STK10: variants seen among roughly 807,000 people sequenced by gnomAD.
The protein encoded by STK10 is serine/threonine kinase 10, also known as serine/threonine-protein kinase 10.
A neutral mutation model predicts 113.8 loss-of-function variants in STK10; 78 were observed. The ratio of observed to expected loss-of-function variants is 0.69; its 90% CI spans 0.57 to 0.83. The LOEUF (loss-of-function observed/expected upper bound fraction) is 0.83. Among genes scored for constraint, STK10 ranks in the 40% least tolerant of loss-of-function variants. STK10 has a pLI of 0.00. For missense variants in STK10, 1,109 were observed against 1,280.1 expected (o/e 0.87, Z 2.04); for synonymous variants, 465 against 494.7 (o/e 0.94, Z 0.80).
At chr5:172,071,192 G>A (rs1467094036) in intron 12 of STK10, among the ~76,000 whole-genome samples, 1 of 109,362 alleles carries the variant, frequency 9.1e-6, no homozygotes, top group African/African-American at 3.6e-5. Context: ...CTGGGCGACA[G>A]AGTGAGACGC....
chr5:172,183,643 G>A (rs973385856), intron 1 of STK10, among the ~76,000 whole-genome samples: 1 of 152,098 alleles, frequency 6.6e-6, no homozygotes, highest in Non-Finnish European at 1.5e-5. Flanking sequence ...TTTTAGTAGA[G>A]ATGGGGTTTT....
intron 5 of STK10, among the ~76,000 whole-genome samples, chr5:172,107,495 T>C (rs940267563): frequency 6.6e-6 from 1 of 152,240 alleles, no homozygotes; most frequent in East Asian, 1.9e-4. Context: ...TCCTGTTTTA[T>C]GGATTCTAGT....
At chr5:172,117,252 C>G (rs1000830951) in intron 4 of STK10, among the ~76,000 whole-genome samples, 2 of 151,992 alleles carry the variant, frequency 1.3e-5, no homozygotes, top group African/African-American at 4.8e-5. Flanking sequence ...GCACTCCAGC[C>G]TGGGTGACAG....
At chr5:172,165,290 A>ATC (rs1554123759) in intron 1 of STK10, among the ~76,000 whole-genome samples, 1 of 151,874 alleles carries the variant, frequency 6.6e-6, no homozygotes, top group Non-Finnish European at 1.5e-5. Context: ...CAGCTCCCCA[A>ATC]CCCAACTCTG....
intron 3 of STK10, among the ~76,000 whole-genome samples, chr5:172,125,102 T>C (rs1769592899): frequency 1.3e-5 from 2 of 152,230 alleles, no homozygotes; most frequent in Non-Finnish European, 2.9e-5. Context: ...GGAAAAATGC[T>C]GAAAGTTCCT....
intron 2 of STK10, among the ~76,000 whole-genome samples, chr5:172,153,230 G>A (rs1296262675): frequency 1.3e-5 from 2 of 151,314 alleles, no homozygotes; most frequent in African/African-American, 2.4e-5. Context: ...AGGTTGTGGT[G>A]AGCTGAAATC....
intron 18 of STK10, among the ~76,000 whole-genome samples, chr5:172,048,376 C>T (rs1210159190): frequency 3.4e-5 from 5 of 145,622 alleles, no homozygotes. Context: ...TAAGCCAATT[C>T]CTTAAAATAA....
At chr5:172,183,329 C>A (rs1284472977) in intron 1 of STK10, among the ~76,000 whole-genome samples, 2 of 152,240 alleles carry the variant, frequency 1.3e-5, no homozygotes, top group East Asian at 1.9e-4. Context: ...GCTATCACAG[C>A]AAGCACACCC....
chr5:172,105,028 G>A (rs1016567695), intron 7 of STK10, among the ~76,000 whole-genome samples: 2 of 152,076 alleles, frequency 1.3e-5, no homozygotes, highest in Admixed American at 6.5e-5. Flanking sequence ...TGCTTTTGCT[G>A]TCCTAAGTCT....
intron 1 of STK10, among the ~76,000 whole-genome samples, chr5:172,168,532 G>C (rs1204943916): frequency 2.0e-5 from 3 of 152,182 alleles, no homozygotes; most frequent in African/African-American, 7.2e-5. Context: ...CCTGGGCCTT[G>C]GGAGGCCCAG....
At chr5:172,147,050 T>C (rs1300832909) in intron 2 of STK10, among the ~76,000 whole-genome samples, 3 of 152,198 alleles carry the variant, frequency 2.0e-5, no homozygotes, top group Admixed American at 1.3e-4. Flanking sequence ...GAACCCTGCT[T>C]TGAATTTGGT....
chr5:172,166,898 G>A (rs11740588), intron 1 of STK10, among the ~76,000 whole-genome samples: 93,513 of 152,004 alleles, frequency 0.62, 29,450 homozygotes, highest in African/African-American at 0.75. Context: ...ACGGTGGCTC[G>A]TGCCTGTAAT....
At chr5:172,106,492 C>A (rs1456880631) in intron 6 of STK10, 128 bp downstream of exon 6, 3 of 1,065,680 alleles carry the variant, frequency 2.8e-6, no homozygotes, top group East Asian at 5.8e-5. Flanking sequence ...CAGGCCCCAA[C>A]CTCTCCTTTG....
chr5:172,156,560 C>T (rs1770351153), intron 2 of STK10, 64 bp downstream of exon 2: 2 of 1,545,304 alleles, frequency 1.3e-6, no homozygotes, highest in Non-Finnish European at 1.8e-6. Context: ...ACTTCAGGAC[C>T]AGGCTAGCTC....
chr5:172,088,660 G>GC (rs1168034247), intron 10 of STK10, among the ~76,000 whole-genome samples: 1 of 152,098 alleles, frequency 6.6e-6, no homozygotes, highest in Non-Finnish European at 1.5e-5. Context: ...GGACTCCGTG[G>GC]CTCCATGGCC....
At position 172,105,695 on chromosome 5, in the gene STK10, C is replaced by T. The variant is rs764169289; in HGVS notation, c.831G>A (p.Lys277=). The change falls in exon 7 of 19, where the codon AAG becomes AAA. Residue 277 remains lysine, a synonymous_variant. Coordinates refer to ENST00000176763, the MANE Select transcript of STK10 (RefSeq NM_005990.4). ...FRDFLKIALD[K]NPETRPSAAQ... is the part of the protein sequence containing the mutation. ...CGGCACTGGGTCGGGTTTCTGGGTTCTTATCCAGGGCTATCTTCAGGAAGT... is the reference window on the plus strand; with the variant it reads ...CGGCACTGGGTCGGGTTTCTGGGTTTTTATCCAGGGCTATCTTCAGGAAGT... 6.2e-7 allele frequency: 1 copy of T among 1,613,858 alleles called. No individual in the cohort carries two copies. Among genetic ancestry groups the T allele is most frequent in the Admixed American group, 1.7e-5 (1 of 60,014 alleles).
intron 4 of STK10, 169 bp from the exon 5 acceptor site, chr5:172,108,021 C>G: frequency 1.7e-6 from 1 of 591,736 alleles, no homozygotes; most frequent in Non-Finnish European, 3.0e-6. Flanking sequence ...GAGGAAGTAC[C>G]GAGATGAACA....
chr5:172,078,490 A>G (rs1768358978), intron 12 of STK10, among the ~76,000 whole-genome samples: 1 of 151,880 alleles, frequency 6.6e-6, no homozygotes, highest in Non-Finnish European at 1.5e-5. Flanking sequence ...CCCTATTCCT[A>G]CAAAAATTTT....
intron 5 of STK10, 72 bp from the exon 6 acceptor site, chr5:172,106,886 A>G: frequency 6.9e-7 from 1 of 1,457,370 alleles, no homozygotes; most frequent in Non-Finnish European, 9.2e-7. Flanking sequence ...ATTCAGGGTC[A>G]AGGGCCACCA....
Sources: allele counts gnomAD v4.1 joint callset (sites outside exome capture counted in the v4.1 genomes callset), GRCh38; gene constraint gnomAD v4.1.1; transcripts MANE v1.5; gene names NCBI Gene and HGNC (gene_info 2026-07-23, HGNC 2026-07-21).